The following PCDHGA3 variants were observed in gnomAD, a reference collection of about 807,000 sequenced individuals.
PCDHGA3 encodes the protein protocadherin gamma-A3.
PCDHGA3 carries 40 observed loss-of-function variants against 58.5 expected under a neutral mutation model. That is an observed-to-expected ratio of 0.68 (90% CI 0.53 to 0.89). PCDHGA3 has a LOEUF of 0.89. Ranked by LOEUF, PCDHGA3 falls within the 40% of genes least tolerant of loss-of-function variation. PCDHGA3 has a pLI of 0.00. For missense variants in PCDHGA3, 1,223 were observed against 1,195.9 expected (o/e 1.02, Z -0.33); for synonymous variants, 530 against 525.7 (o/e 1.01, Z -0.11).
chr5:141,356,974 G>A (rs1760414253), intron 1 of PCDHGA3: 25 of 1,614,240 alleles, frequency 1.5e-5, no homozygotes, highest in Non-Finnish European at 2.1e-5. Flanking sequence ...GACCAAAGTG[G>A]TGGCAGTGGA....
chr5:141,511,055 A>ATG lies in PCDHGA3; in HGVS notation c.2683_2684dup (p.Tyr896SerfsTer10). 1 of 1,614,218 alleles carries ATG rather than the reference A, an allele frequency of 6.2e-7. No individual in the cohort carries two copies. The highest frequency in any genetic ancestry group is 8.5e-7 in the Non-Finnish European group (1 of 1,180,026). On this transcript the variant is annotated frameshift_variant, in exon 4 of 4. Coordinates refer to ENST00000253812, the MANE Select transcript of PCDHGA3 (RefSeq NM_018916.4). LOFTEE classifies it high-confidence loss of function. Reference sequence around the variant, plus strand: ...CAGCACGTGCCCGACTACCGCCAGAATGTCTACATCCCAGGCAGCAATGCC... The same window carrying ATG: ...CAGCACGTGCCCGACTACCGCCAGAATGTGTCTACATCCCAGGCAGCAATGCC...
At chr5:141,398,267 T>G (rs757957397) in intron 1 of PCDHGA3, 2 of 1,435,108 alleles carry the variant, frequency 1.4e-6, no homozygotes, top group East Asian at 2.5e-5. Context: ...GGCTCCGTAG[T>G]GGGGAACCTC....
intron 1 of PCDHGA3, among the ~76,000 whole-genome samples, chr5:141,471,996 G>A (rs2099268647): frequency 6.6e-6 from 1 of 152,006 alleles, no homozygotes; most frequent in Admixed American, 6.6e-5. Context: ...AAAAATCCCT[G>A]CATCGTATAG....
At chr5:141,348,446 A>G (rs182353436) in intron 1 of PCDHGA3, among the ~76,000 whole-genome samples, 244 of 152,316 alleles carry the variant, frequency 1.6e-3, no homozygotes, top group Non-Finnish European at 2.7e-3. Flanking sequence ...TTTTTAGAAA[A>G]AAAAATGTTT....
Position 141,486,219 on chromosome 5 carries a change from A to G in PCDHGA3, c.2425-8588A>G. 1 of 1,614,134 alleles carries G rather than the reference A, an allele frequency of 6.2e-7. No individual in the cohort carries two copies. Among genetic ancestry groups the G allele is most frequent in the African/African-American group, 1.3e-5 (1 of 75,042 alleles). ...CTGGACGTAAATGACAATGCCCCTT[A>G]CATCACAGTGACCTCAGAGCTTGGA... On this transcript the variant is annotated intron_variant, in intron 1 of 3. Transcript: ENST00000253812. This position sits in a 1 kb window ranked among gnomAD's most constrained non-coding sequence, Gnocchi z 5.0.
intron 1 of PCDHGA3, among the ~76,000 whole-genome samples, chr5:141,382,287 C>G (rs1263948846): frequency 7.2e-5 from 11 of 152,114 alleles, no homozygotes; most frequent in Non-Finnish European, 1.5e-4. Context: ...TCAATTAATA[C>G]TGAATTAATT....
At chr5:141,398,575 A>G in intron 1 of PCDHGA3, 1 of 1,614,046 alleles carries the variant, frequency 6.2e-7, no homozygotes, top group South Asian at 1.1e-5. Flanking sequence ...ACAGCCTGGC[A>G]CAAGATTTAT....
At chr5:141,417,718 G>T in intron 1 of PCDHGA3, 1 of 1,304,720 alleles carries the variant, frequency 7.7e-7, no homozygotes. Context: ...GCTCCCGGCT[G>T]CGCAGACCTT....
Position 141,431,854 on chromosome 5 carries a change from A to G in PCDHGA3, c.2425-62953A>G. On this transcript the variant is annotated intron_variant, in intron 1 of 3. Coordinates refer to ENST00000253812, the MANE Select transcript of PCDHGA3 (RefSeq NM_018916.4). The surrounding 1 kb of genome is among the most constrained non-coding windows in gnomAD (Gnocchi z 4.8). Reference sequence around the variant, plus strand: ...CCGAAAACTCTCCCAGAGGGACATTAATTGCCCTTTTAAATGTAAATGACC... The same window carrying G: ...CCGAAAACTCTCCCAGAGGGACATTGATTGCCCTTTTAAATGTAAATGACC... The G allele has an allele frequency of 6.2e-7, 1 of 1,614,230 alleles. No individual in the cohort carries two copies. The highest frequency in any genetic ancestry group is 1.3e-5 in the African/African-American group (1 of 75,070).
Position 141,486,446 on chromosome 5 carries a change from G to T in PCDHGA3, c.2425-8361G>T. ...GGCCAAATCTAGCTATGACATCATGGTCACTGCTTCTGATGCTGGGAACCC... is the reference window on the plus strand; with the variant it reads ...GGCCAAATCTAGCTATGACATCATGTTCACTGCTTCTGATGCTGGGAACCC... On this transcript the variant is annotated intron_variant, in intron 1 of 3. Coordinates refer to ENST00000253812, the MANE Select transcript of PCDHGA3 (RefSeq NM_018916.4). The surrounding 1 kb of genome is among the most constrained non-coding windows in gnomAD (Gnocchi z 5.0). 2 of 1,614,126 alleles carry T rather than the reference G, an allele frequency of 1.2e-6. No individual in the cohort carries two copies. Among genetic ancestry groups the T allele is most frequent in the Non-Finnish European group, 1.7e-6 (2 of 1,180,004 alleles).
chr5:141,393,532 C>T (rs1411410420), intron 1 of PCDHGA3: 5 of 1,613,886 alleles, frequency 3.1e-6, no homozygotes, highest in African/African-American at 2.7e-5. Flanking sequence ...GACAATGCCC[C>T]GGTTTTTCCT....
At chr5:141,396,792 A>G (rs2093435420) in intron 1 of PCDHGA3, among the ~76,000 whole-genome samples, 1 of 152,202 alleles carries the variant, frequency 6.6e-6, no homozygotes, top group Non-Finnish European at 1.5e-5. Flanking sequence ...GACATTTCCT[A>G]AGGATTGTGT....
At chr5:141,441,368 G>A (rs1215599443) in intron 1 of PCDHGA3, 2 of 152,598 alleles carry the variant, frequency 1.3e-5, no homozygotes, top group African/African-American at 2.4e-5. Flanking sequence ...TGGGGCCGTG[G>A]ACCAGGAACA....
intron 1 of PCDHGA3, among the ~76,000 whole-genome samples, chr5:141,473,871 T>A (rs2099330260): frequency 1.3e-5 from 2 of 152,190 alleles, no homozygotes; most frequent in Admixed American, 6.5e-5. Context: ...TTGTGGAGAA[T>A]GCATACACAA....
chr5:141,422,260 G>A, intron 1 of PCDHGA3: 1 of 1,564,392 alleles, frequency 6.4e-7, no homozygotes, highest in South Asian at 1.2e-5. Context: ...GAATGATAAC[G>A]CTCCAGAAAT....
chr5:141,498,814 T>G (rs2099785952), intron 2 of PCDHGA3, among the ~76,000 whole-genome samples: 1 of 151,956 alleles, frequency 6.6e-6, no homozygotes. Flanking sequence ...ACACCTGTAG[T>G]CCCAGCTACT....
At position 141,493,512 on chromosome 5, in the gene PCDHGA3, C is replaced by A. The variant is rs1327850681; in HGVS notation, c.2425-1295C>A. The stretch of plus-strand genomic sequence containing the variant: ...CTGTGGCTCCTCATTTCTGAGCAGT[C>A]CCCGCAGCGCAAACTTGGCCAGTTA... On this transcript the variant is annotated intron_variant, in intron 1 of 3. Transcript: ENST00000253812. The surrounding 1 kb of genome is among the most constrained non-coding windows in gnomAD (Gnocchi z 4.3). Among the ~76,000 whole-genome samples the A allele has an allele frequency of 1.3e-5, 2 of 152,148 alleles. No individual in the cohort carries two copies. Among genetic ancestry groups the A allele is most frequent in the South Asian group, 4.1e-4 (2 of 4,824 alleles).
intron 1 of PCDHGA3, among the ~76,000 whole-genome samples, chr5:141,456,714 C>T (rs1456452530): frequency 6.6e-6 from 1 of 152,176 alleles, no homozygotes; most frequent in Non-Finnish European, 1.5e-5. Flanking sequence ...CCTGTAATCC[C>T]AGCACTTTGG....
intron 3 of PCDHGA3, among the ~76,000 whole-genome samples, chr5:141,510,424 C>T (rs2154594619): frequency 6.6e-6 from 1 of 152,236 alleles, no homozygotes; most frequent in South Asian, 2.1e-4. Flanking sequence ...GCCATGGTTT[C>T]ATGGCTGCTG....
Sources: allele counts gnomAD v4.1 joint callset (sites outside exome capture counted in the v4.1 genomes callset), GRCh38; gene constraint gnomAD v4.1.1; non-coding constraint Gnocchi (gnomAD v3.1); transcripts MANE v1.5; gene names NCBI Gene and HGNC (gene_info 2026-07-23, HGNC 2026-07-21).